SPDYE4: variants seen among roughly 807,000 people sequenced by gnomAD.
The protein encoded by SPDYE4 is speedy/RINGO cell cycle regulator family member E4, also known as speedy protein E4.
Under a neutral mutation model 37.5 loss-of-function variants are expected in SPDYE4, and 30 were observed. The ratio of observed to expected loss-of-function variants is 0.80; its 90% CI spans 0.60 to 1.09. The LOEUF is 1.09. Ranked by LOEUF, SPDYE4 falls within the 50% of genes least tolerant of loss-of-function variation. SPDYE4 has a pLI of 0.00. For synonymous variants in SPDYE4, 131 were observed against 120.3 expected (o/e 1.09, Z -0.58); for missense variants, 300 against 307.9 (o/e 0.97, Z 0.19).
At chr17:8,752,269 A>G (rs1202981609) in intron 6 of SPDYE4, among the ~76,000 whole-genome samples, 32 bp from the exon 7 acceptor site, 1 of 152,212 alleles carries the variant, frequency 6.6e-6, no homozygotes, top group East Asian at 1.9e-4. Context: ...TCACACTTCA[A>G]GGAGGGAGAT....
At chr17:8,755,025 G>T (rs1044571721) in intron 4 of SPDYE4, among the ~76,000 whole-genome samples, 1 of 152,180 alleles carries the variant, frequency 6.6e-6, no homozygotes, top group African/African-American at 2.4e-5. Context: ...AAGGGGGGGT[G>T]GGAGCTGTGC....
rs1313234588 is a variant in SPDYE4, at chr17:8,757,473, G to T, written c.129C>A (p.Ser43Arg). Residue 43 changes from serine to arginine, a missense_variant, in exon 2 of 7, where the codon AGC becomes AGA. Ser to Arg is a moderately radical substitution (Grantham distance 110). Coordinates refer to ENST00000689094, the MANE Select transcript of SPDYE4 (RefSeq NM_001394956.1). ...PGPSAPWIDP[S>R]PQPQSLGLKR... The stretch of plus-strand genomic sequence containing the variant: ...TCAGGCCAAGGGATTGAGGCTGGGG[G>T]CTGGGATCTATCCAAGGGGCTGAGT... 4 of 1,608,262 alleles carry T rather than the reference G, an allele frequency of 2.5e-6. No homozygotes were observed. Among genetic ancestry groups the T allele is most frequent in the Non-Finnish European group, 2.5e-6 (3 of 1,177,242 alleles).
Position 8,756,440 on chromosome 17 carries a change from T to TGA in SPDYE4, c.341-6_341-5dup. The TGA allele has an allele frequency of 1.2e-6, 2 of 1,613,828 alleles. No individual in the cohort carries two copies. Among genetic ancestry groups the TGA allele is most frequent in the Non-Finnish European group, 1.7e-6 (2 of 1,179,846 alleles). On this transcript the variant is annotated splice_polypyrimidine_tract_variant and splice_region_variant and intron_variant, in intron 2 of 6. Coordinates refer to ENST00000689094, the MANE Select transcript of SPDYE4 (RefSeq NM_001394956.1). ...AATTTTTGAACGACAGGATCCCCTG[T>TGA]GAAAAGAGAGCCTGTGTCAGGGTGA...
chr17:8,757,144 C>A lies in SPDYE4; in HGVS notation c.340+118G>T, dbSNP rs575830127. On this transcript the variant is annotated intron_variant, in intron 2 of 6. Transcript: ENST00000689094. ...CTATCTCCTAAGCATCCTCCTCCTG[C>A]ATGGAGCGCTCATCCCCCAGGAGGG... is the stretch of plus-strand genomic sequence containing the variant. 8.3e-5 allele frequency: 74 copies of A among 889,766 alleles called. No individual in the cohort carries two copies. The African/African-American group carries it at 1.1e-3, about 13-fold the overall frequency. The allele number at this position is 889,766 out of a possible 1,614,324, so 55.1% of individuals were successfully genotyped here.
At position 8,753,392 on chromosome 17, in the gene SPDYE4, G is replaced by T. The variant is rs754531721; in HGVS notation, c.583C>A (p.His195Asn). ...CAGAGGAGCTGGTATCGAAGCTTATGGAACAAGGGTCGCTGGGAGTAGTTC... is the reference window on the plus strand; with the variant it reads ...CAGAGGAGCTGGTATCGAAGCTTATTGAACAAGGGTCGCTGGGAGTAGTTC... ...GKNYSQRPLF[H>N]KLRYQLLCSM... Residue 195 changes from histidine to asparagine, a missense_variant, in exon 5 of 7, where the codon CAT (histidine) becomes AAT (asparagine). Transcript: ENST00000689094. 6.3e-7 allele frequency: 1 copy of T among 1,594,558 alleles called. No homozygotes were observed. Among genetic ancestry groups the T allele is most frequent in the Admixed American group, 1.8e-5 (1 of 55,864 alleles).
chr17:8,758,397 A>T lies in SPDYE4; in HGVS notation c.-15T>A. 6.5e-7 allele frequency: 1 copy of T among 1,549,118 alleles called. No individual in the cohort carries two copies. Among genetic ancestry groups the T allele is most frequent in the Non-Finnish European group, 8.7e-7 (1 of 1,144,692 alleles). On this transcript the variant is annotated 5_prime_UTR_variant, in exon 1 of 7. Coordinates refer to ENST00000689094, the MANE Select transcript of SPDYE4 (RefSeq NM_001394956.1). ...CCACTGGCCATAATCTCTCCCAAAC[A>T]CTTTGTTTCTGTCCACAAAACCTAG...
chr17:8,754,470 G>T (rs1238103918), intron 4 of SPDYE4, among the ~76,000 whole-genome samples: 1 of 152,166 alleles, frequency 6.6e-6, no homozygotes, highest in Non-Finnish European at 1.5e-5. Flanking sequence ...AGCTACTCAG[G>T]AGGCTGAGGT....
rs1407923390 is a variant in SPDYE4, at chr17:8,753,467, C to A, written c.508G>T (p.Glu170Ter). 6.2e-7 allele frequency: 1 copy of A among 1,613,756 alleles called. No homozygotes were observed. Among genetic ancestry groups the A allele is most frequent in the Non-Finnish European group, 8.5e-7 (1 of 1,179,856 alleles). ...LALYLASDME[E>*]DNQAPKQDIF... ...TCTTGTTTCGGGGCCTGGTTGTCCT[C>A]CTCCATGTCACTGGCCAGGTAGCTG... is the stretch of plus-strand genomic sequence containing the variant. Residue 170 changes from glutamate to a stop codon, truncating the protein, a stop_gained, in exon 5 of 7, where the codon GAG becomes TAG. Coordinates refer to ENST00000689094, the MANE Select transcript of SPDYE4 (RefSeq NM_001394956.1). LOFTEE classifies it high-confidence loss of function.
Position 8,757,246 on chromosome 17 carries a change from T to C in SPDYE4, c.340+16A>G, listed in dbSNP as rs1423407441. 56 of 1,593,880 alleles carry C rather than the reference T, an allele frequency of 3.5e-5. No individual in the cohort carries two copies. The highest frequency in any genetic ancestry group is 4.7e-5 in the Non-Finnish European group (55 of 1,169,710). ...AAAGAACAGGGTTGGAGGTGCTTTT[T>C]GGGGTATCCTCCTACCAAGGAGCCT... On this transcript the variant is annotated intron_variant, in intron 2 of 6. Coordinates refer to ENST00000689094, the MANE Select transcript of SPDYE4 (RefSeq NM_001394956.1).
intron 6 of SPDYE4, 40 bp downstream of exon 6, chr17:8,753,054 T>C (rs2151144600): frequency 7.0e-7 from 1 of 1,432,968 alleles, no homozygotes; most frequent in Non-Finnish European, 9.7e-7. Flanking sequence ...TTCTTATAGA[T>C]GAGAATATTC....
In SPDYE4 at chr17:8,755,511, A is replaced by C; in HGVS notation, c.485+9T>G. The stretch of plus-strand genomic sequence containing the variant: ...GATATTGACAGATGGGAAGAAGCAA[A>C]CTACTCACAGAGCCAGGAAGAAATG... On this transcript the variant is annotated intron_variant, in intron 4 of 6. Transcript: ENST00000689094. The C allele has an allele frequency of 1.2e-6, 2 of 1,610,988 alleles. No individual in the cohort carries two copies. The highest frequency in any genetic ancestry group is 1.7e-6 in the Non-Finnish European group (2 of 1,179,176).
chr17:8,748,923 G>C (rs551425785), downstream of SPDYE4, among the ~76,000 whole-genome samples: 3 of 152,126 alleles, frequency 2.0e-5, no homozygotes. Context: ...AGTCACACAG[G>C]CAGATTCACC....
chr17:8,750,231 A>C (rs976717379), downstream of SPDYE4, among the ~76,000 whole-genome samples: 1 of 152,130 alleles, frequency 6.6e-6, no homozygotes, highest in East Asian at 1.9e-4. Context: ...TCTACTAAAA[A>C]TACAGAAATT....
chr17:8,750,155 G>A (rs1597350263), downstream of SPDYE4, among the ~76,000 whole-genome samples: 2 of 152,162 alleles, frequency 1.3e-5, no homozygotes, highest in Non-Finnish European at 2.9e-5. Flanking sequence ...TTGGGTGGCC[G>A]AGGGGGACGG....
intron 4 of SPDYE4, 91 bp downstream of exon 4, chr17:8,755,429 G>T: frequency 2.1e-6 from 3 of 1,423,474 alleles, no homozygotes; most frequent in Non-Finnish European, 2.9e-6. Context: ...GGAGAAGTAG[G>T]GTAAAAAAAT....
At chr17:8,752,867 G>A (rs892250840) in intron 6 of SPDYE4, among the ~76,000 whole-genome samples, 4 of 152,058 alleles carry the variant, frequency 2.6e-5, no homozygotes, top group African/African-American at 9.7e-5. Context: ...CAGAATCACA[G>A]CTCACTGCAG....
rs1340567461 is a variant in SPDYE4, at chr17:8,758,282, C to T, written c.101G>A (p.Gly34Glu). The T allele has an allele frequency of 7.8e-6, 12 of 1,544,694 alleles. No individual in the cohort carries two copies. The highest frequency in any genetic ancestry group is 1.0e-5 in the Non-Finnish European group (12 of 1,143,518). Reference protein sequence around the residue: ...PEVVVDDEVPGPSAPWIDPSP... With the variant: ...PEVVVDDEVPEPSAPWIDPSP... ...CCCTCCAGTCACCTCACCTGATGGT[C>T]CTGGCACTTCATCATCCACCACCAC... The change falls in exon 1 of 7, where the codon GGA becomes GAA. Residue 34 changes from glycine to glutamate, a missense_variant. Physicochemically the swap from Gly to Glu is moderately conservative, Grantham distance 98 (BLOSUM62 -2). Coordinates refer to ENST00000689094, the MANE Select transcript of SPDYE4 (RefSeq NM_001394956.1).
At position 8,757,402 on chromosome 17, in the gene SPDYE4, T is replaced by C. The variant is rs2086782061; in HGVS notation, c.200A>G (p.Glu67Gly). 15 of 1,590,714 alleles carry C rather than the reference T, an allele frequency of 9.4e-6. No homozygotes were observed. The highest frequency in any genetic ancestry group is 1.3e-5 in the Non-Finnish European group (15 of 1,168,246). The change falls in exon 2 of 7, where the codon GAG (glutamate) becomes GGG (glycine). Residue 67 changes from glutamate to glycine, a missense_variant. By Grantham distance (98) the Glu-to-Gly change is moderately conservative (BLOSUM62 -2). Transcript: ENST00000689094. ...AGGGGCGCGCTCCAACTCCAGCTCCTCCTCCAGCTCCTCCTCGGATTCGTC... is the reference window on the plus strand; with the variant it reads ...AGGGGCGCGCTCCAACTCCAGCTCCCCCTCCAGCTCCTCCTCGGATTCGTC... ...WSDESEEELE[E>G]ELELERAPEP...
rs1253957447 is a variant in SPDYE4, at chr17:8,753,184, T to C, written c.668A>G (p.Asp223Gly). ...TCGGGCCCACACCCAGTGCTCTGGG[T>C]CATAAGCCTGGATCTGGAAAAACAC... ...PEEMEEIQAY[D>G]PEHWVWARDR... is the part of the protein sequence containing the mutation. The change falls in exon 6 of 7, where the codon GAC becomes GGC. Residue 223 changes from aspartate to glycine, a missense_variant. Asp to Gly is a moderately conservative substitution (Grantham distance 94, BLOSUM62 -1). Coordinates refer to ENST00000689094, the MANE Select transcript of SPDYE4 (RefSeq NM_001394956.1). 6.2e-7 allele frequency: 1 copy of C among 1,613,626 alleles called. No individual in the cohort carries two copies. Among genetic ancestry groups the C allele is most frequent in the African/African-American group, 1.3e-5 (1 of 74,824 alleles).
Sources: gnomAD v4.1 joint callset for allele counts (sites outside exome capture counted in the v4.1 genomes callset) on GRCh38, gnomAD v4.1.1 for gene constraint, MANE v1.5 for transcripts, NCBI Gene and HGNC (gene_info 2026-07-23, HGNC 2026-07-21) for gene names.